Variants in WDPCP observed in about 807,000 individuals in gnomAD.
The protein encoded by WDPCP is WD repeat-containing and planar cell polarity effector protein fritz homolog.
A neutral mutation model predicts 93.1 loss-of-function variants in WDPCP; 71 were observed. That is an observed-to-expected ratio of 0.76 (90% CI 0.63 to 0.93). The LOEUF (loss-of-function observed/expected upper bound fraction) is 0.93, where lower values mean the gene tolerates loss of function less well. WDPCP is among the 40% of genes least tolerant of loss of function. The pLI is 0.00. For missense variants in WDPCP, 844 were observed against 887.4 expected (o/e 0.95, Z 0.62); for synonymous variants, 315 against 315.0 (o/e 1.00, Z 0.00).
At position 63,817,073 on chromosome 2, in the gene WDPCP, G is replaced by C. The variant is rs1670942410; in HGVS notation, n.223-3366C>G. ...GTGGGGTTACACAGGCGAATAGTTT[G>C]TCAAAAACTCATCAGACACTGCACT... On this transcript the variant is annotated intron_variant and non_coding_transcript_variant, in intron 1 of 4. Transcript: ENST00000467687. Among the ~76,000 whole-genome samples the C allele has an allele frequency of 5.3e-5, 8 of 151,722 alleles. No homozygotes were observed. The South Asian group carries it at 1.0e-3, about 20-fold the overall frequency.
At chr2:63,403,699 C>A in intron 10 of WDPCP, 1 of 181,808 alleles carries the variant, frequency 5.5e-6, no homozygotes, top group Non-Finnish European at 1.2e-5. Flanking sequence ...TCCTACAACA[C>A]AGAATTTTTC....
intron 10 of WDPCP, among the ~76,000 whole-genome samples, chr2:63,402,917 C>A (rs1005585057): frequency 1.3e-5 from 2 of 152,128 alleles, no homozygotes; most frequent in African/African-American, 4.8e-5. Context: ...ACCTAGGAAT[C>A]CCATTATTGG....
the WDPCP span, among the ~76,000 whole-genome samples, chr2:63,834,138 G>C: frequency 6.6e-6 from 1 of 152,108 alleles, no homozygotes; most frequent in Non-Finnish European, 1.5e-5. Flanking sequence ...CTCCATTTGT[G>C]ACTTTATCTG....
intron 14 of WDPCP, among the ~76,000 whole-genome samples, chr2:63,211,301 G>A (rs998298845): frequency 4.6e-5 from 7 of 152,182 alleles, no homozygotes; most frequent in Non-Finnish European, 8.8e-5. Context: ...TTGCCATTCT[G>A]CAATATTTAT....
intron 13 of WDPCP, among the ~76,000 whole-genome samples, chr2:63,260,324 A>T (rs534738072): frequency 3.4e-4 from 52 of 152,354 alleles, no homozygotes; most frequent in African/African-American, 1.3e-3. Flanking sequence ...TGAAAATTTT[A>T]TTGAAATAAA....
rs1162654673 is a variant in WDPCP, at chr2:63,338,564, AAAAAAATATATATATAT to A, written c.1749-25270_1749-25254del. On this transcript the variant is annotated intron_variant, in intron 12 of 17. Transcript: ENST00000272321. ...CAAAACTCCATCTAAAAAAAAAAAA[AAAAAAATATATATATAT>A]ATATATATATATATATATATATATA... 1.7e-3 allele frequency among the ~76,000 whole-genome samples: 39 copies of A among 23,348 alleles called. 3 individuals are homozygous for A. The East Asian group carries it at 0.046, about 27-fold the overall frequency. The allele number at this position is 23,348 out of a possible 152,430, so 15.3% of individuals were successfully genotyped here. A position where few individuals can be genotyped will look rare whatever the true frequency, so the allele number is the denominator to read the frequency against.
At chr2:63,161,164 A>C (rs994535083) in intron 15 of WDPCP, among the ~76,000 whole-genome samples, 12 of 152,196 alleles carry the variant, frequency 7.9e-5, no homozygotes, top group African/African-American at 2.9e-4. Context: ...GGGCATACTT[A>C]AGGAATTTTC....
chr2:63,252,238 C>T (rs2104723746), intron 14 of WDPCP, among the ~76,000 whole-genome samples: 1 of 152,242 alleles, frequency 6.6e-6, no homozygotes, highest in Non-Finnish European at 1.5e-5. Context: ...ATCCAACATC[C>T]TCCTTGATAA....
chr2:63,312,218 T>G (rs1686239582), intron 13 of WDPCP, among the ~76,000 whole-genome samples: 1 of 152,156 alleles, frequency 6.6e-6, no homozygotes, highest in Non-Finnish European at 1.5e-5. Flanking sequence ...ATGACATACA[T>G]TTAGAATTTA....
intron 12 of WDPCP, among the ~76,000 whole-genome samples, chr2:63,315,553 T>C (rs982238811): frequency 1.3e-5 from 2 of 151,616 alleles, no homozygotes; most frequent in Admixed American, 1.3e-4. Context: ...ATTAGAAAAA[T>C]AACAAATTTA....
At chr2:63,730,843 A>T (rs1669551356) in intron 2 of WDPCP, among the ~76,000 whole-genome samples, 1 of 152,110 alleles carries the variant, frequency 6.6e-6, no homozygotes, top group South Asian at 2.1e-4. Flanking sequence ...TTAAATGTTG[A>T]TGTCCTCACT....
intron 2 of WDPCP, among the ~76,000 whole-genome samples, chr2:63,778,724 C>T (rs547099102): frequency 2.4e-4 from 37 of 152,254 alleles, no homozygotes; most frequent in African/African-American, 6.5e-4. Flanking sequence ...CACTGTTCAG[C>T]TTTTAAAAAC....
intron 2 of WDPCP, among the ~76,000 whole-genome samples, chr2:63,676,099 G>T (rs778697646): frequency 5.3e-5 from 8 of 152,040 alleles, no homozygotes; most frequent in Non-Finnish European, 1.2e-4. Context: ...AGTAATCCTG[G>T]CACTGATAAG....
chr2:63,693,259 A>C (rs1668914145), intron 2 of WDPCP, among the ~76,000 whole-genome samples: 1 of 152,192 alleles, frequency 6.6e-6, no homozygotes, highest in Admixed American at 6.5e-5. Flanking sequence ...AAGATGTTTT[A>C]TAGTTTACAA....
At chr2:63,306,992 C>T (rs1330345436) in intron 13 of WDPCP, among the ~76,000 whole-genome samples, 1 of 152,082 alleles carries the variant, frequency 6.6e-6, no homozygotes, top group African/African-American at 2.4e-5. Flanking sequence ...TTTAGAAAAC[C>T]CCATCGTCTC....
At chr2:63,685,392 A>T (rs1668791149) in intron 2 of WDPCP, among the ~76,000 whole-genome samples, 1 of 152,240 alleles carries the variant, frequency 6.6e-6, no homozygotes, top group African/African-American at 2.4e-5. Context: ...CAACCTATCA[A>T]GATTGAACCA....
the WDPCP span, among the ~76,000 whole-genome samples, chr2:63,840,628 G>A: frequency 6.6e-6 from 1 of 152,204 alleles, no homozygotes; most frequent in Non-Finnish European, 1.5e-5. Context: ...GGCTCCCTCG[G>A]GGCAGCTGCG....
intron 15 of WDPCP, among the ~76,000 whole-genome samples, chr2:63,166,337 T>C (rs781775581): frequency 3.9e-5 from 6 of 152,118 alleles, no homozygotes; most frequent in Non-Finnish European, 7.4e-5. Flanking sequence ...AGTGCTGGGA[T>C]TACAGGCATG....
At chr2:63,161,796 C>T (rs1434207026) in intron 15 of WDPCP, among the ~76,000 whole-genome samples, 7 of 149,188 alleles carry the variant, frequency 4.7e-5, no homozygotes, top group Non-Finnish European at 1.0e-4. Context: ...CGGAGTCTTG[C>T]TCTGTTGCTC....
Sources: allele counts gnomAD v4.1 joint callset (sites outside exome capture counted in the v4.1 genomes callset), GRCh38; gene constraint gnomAD v4.1.1; transcripts MANE v1.5; gene names NCBI Gene and HGNC (gene_info 2026-07-23, HGNC 2026-07-21).